SLC6A19: variants seen among roughly 807,000 people sequenced by gnomAD.
SLC6A19 encodes sodium-dependent neutral amino acid transporter B(0)AT1.
A neutral mutation model predicts 68.3 loss-of-function variants in SLC6A19; 67 were observed. The observed-to-expected ratio is 0.98, with a 90% CI of 0.81 to 1.20. SLC6A19 has a LOEUF of 1.20. SLC6A19 is among the 50% of genes most tolerant of loss of function. The probability of loss-of-function intolerance (pLI) is 0.00; values close to 1 mark genes in which losing one functional copy is unlikely to be tolerated. For synonymous variants in SLC6A19, 392 were observed against 374.9 expected (o/e 1.05, Z -0.53); for missense variants, 813 against 851.6 (o/e 0.95, Z 0.56).
At position 1,213,592 on chromosome 5, in the gene SLC6A19, C is replaced by G; in HGVS notation, c.774+19C>G. 2 of 1,606,490 alleles carry G rather than the reference C, an allele frequency of 1.2e-6. No homozygotes were observed. Among genetic ancestry groups the G allele is most frequent in the Non-Finnish European group, 1.7e-6 (2 of 1,175,296 alleles). On this transcript the variant is annotated intron_variant, in intron 5 of 11. Transcript: ENST00000304460. ...GCCCAACGTAAGTCCCCGAGGCTGC[C>G]CTGGGCCCAGACCCCGGGAGAGGCC...
chr5:1,221,389 G>A, intron 11 of SLC6A19, 76 bp downstream of exon 11: 1 of 1,562,708 alleles, frequency 6.4e-7, no homozygotes, highest in Non-Finnish European at 8.7e-7. Flanking sequence ...CCACACACAT[G>A]GCGCATGCAC....
chr5:1,210,309 C>A, intron 2 of SLC6A19, 135 bp from the exon 3 acceptor site: 1 of 1,271,730 alleles, frequency 7.9e-7, no homozygotes, highest in Non-Finnish European at 1.1e-6. Flanking sequence ...TGCACTGGGT[C>A]GGCCCCTCAG....
intron 1 of SLC6A19, among the ~76,000 whole-genome samples, chr5:1,207,860 A>G (rs946166018): frequency 6.6e-6 from 1 of 152,200 alleles, no homozygotes; most frequent in Admixed American, 6.5e-5. Context: ...CATATTTCAA[A>G]GGTGATCTTA....
intron 1 of SLC6A19, among the ~76,000 whole-genome samples, chr5:1,202,781 C>T (rs569239040): frequency 1.3e-5 from 2 of 152,200 alleles, no homozygotes; most frequent in Non-Finnish European, 2.9e-5. Context: ...CTGTCTCTCA[C>T]GCGGGCTTTG....
chr5:1,218,083 C>G (rs1256984403), intron 8 of SLC6A19, among the ~76,000 whole-genome samples: 1 of 149,206 alleles, frequency 6.7e-6, no homozygotes, highest in African/African-American at 2.5e-5. Context: ...TGAAGAGCGG[C>G]GTGCCTTGTA....
At chr5:1,219,822 C>T (rs913572639) in intron 10 of SLC6A19, among the ~76,000 whole-genome samples, 158 bp downstream of exon 10, 1 of 152,220 alleles carries the variant, frequency 6.6e-6, no homozygotes, top group African/African-American at 2.4e-5. Flanking sequence ...CCTGTCCTGG[C>T]GGGAGCAGAG....
In SLC6A19 at chr5:1,201,666, C is replaced by A; in HGVS notation, c.16C>A (p.Leu6Met). 6.2e-7 allele frequency: 1 copy of A among 1,607,224 alleles called. No homozygotes were observed. The highest frequency in any genetic ancestry group is 8.5e-7 in the Non-Finnish European group (1 of 1,179,400). The stretch of plus-strand genomic sequence containing the variant: ...AGCGACCACCATGGTGAGGCTCGTG[C>A]TGCCCAACCCCGGCCTAGACGCCCG... MVRLV[L>M]PNPGLDARIP... Residue 6 changes from leucine (L) to methionine (M), a missense_variant, in exon 1 of 12, where the codon CTG (leucine) becomes ATG (methionine). Physicochemically the swap from Leu to Met is conservative, Grantham distance 15. Transcript: ENST00000304460.
Position 1,221,203 on chromosome 5 carries a change from C to A in SLC6A19, c.1591C>A (p.Gln531Lys). ...MIGHKPNIFW[Q>K]VTWRVVSPLL... ...CGGCCACAAGCCCAACATCTTCTGG[C>A]AAGTCACGTGGCGCGTGGTCAGCCC... is the stretch of plus-strand genomic sequence containing the variant. The change falls in exon 11 of 12, where the codon CAA (glutamine) becomes AAA (lysine). Residue 531 changes from glutamine (Q) to lysine (K), a missense_variant. Transcript: ENST00000304460. 6.2e-7 allele frequency: 1 copy of A among 1,614,142 alleles called. No homozygotes were observed. Among genetic ancestry groups the A allele is most frequent in the Non-Finnish European group, 8.5e-7 (1 of 1,180,016 alleles).
At chr5:1,206,771 G>A (rs962937881) in intron 1 of SLC6A19, among the ~76,000 whole-genome samples, 2 of 152,124 alleles carry the variant, frequency 1.3e-5, no homozygotes, top group African/African-American at 4.8e-5. Context: ...GGACCCCAGT[G>A]TCATGTGAGC....
At chr5:1,210,403 G>T (rs1482639527) in intron 2 of SLC6A19, 41 bp from the exon 3 acceptor site, 2 of 1,609,824 alleles carry the variant, frequency 1.2e-6, no homozygotes, top group African/African-American at 1.3e-5. Context: ...CCAGTGGAGG[G>T]TGTGCCTCGG....
chr5:1,210,601 C>A lies in SLC6A19; in HGVS notation c.481+20C>A. 1 of 1,611,430 alleles carries A rather than the reference C, an allele frequency of 6.2e-7. No individual in the cohort carries two copies. The highest frequency in any genetic ancestry group is 8.5e-7 in the Non-Finnish European group (1 of 1,179,998). ...AGACAGGTGAGTCCTTGCAAGCAGC[C>A]CCATCCGTCTCACCTGTGAGGCTGT... On this transcript the variant is annotated intron_variant, in intron 3 of 11. Transcript: ENST00000304460.
rs1350869536 is a variant in SLC6A19, at chr5:1,212,983, C to T, written c.664-480C>T. On this transcript the variant is annotated intron_variant, in intron 4 of 11. Coordinates refer to ENST00000304460, the MANE Select transcript of SLC6A19 (RefSeq NM_001003841.3). This position sits in a 1 kb window ranked among gnomAD's most constrained non-coding sequence, Gnocchi z 5.1. ...CCCCACCACAAGCACGGCCCCCCTC[C>T]GCACCATCCCAAATACCCAGGCTCC... Among the ~76,000 whole-genome samples, 4 of 146,842 alleles carry T rather than the reference C, an allele frequency of 2.7e-5. No individual in the cohort carries two copies. The highest frequency in any genetic ancestry group is 7.6e-5 in the African/African-American group (3 of 39,490).
Position 1,221,295 on chromosome 5 carries a change from C to T in SLC6A19, c.1683C>T (p.Ser561=). The T allele has an allele frequency of 6.2e-7, 1 of 1,613,860 alleles. No homozygotes were observed. Among genetic ancestry groups the T allele is most frequent in the Non-Finnish European group, 8.5e-7 (1 of 1,180,026 alleles). Residue 561 remains serine (S), a synonymous_variant, in exon 11 of 12, where the codon AGC becomes AGT. Transcript: ENST00000304460. ...AGGTCAGTCAGGAGCTGACCTACAG[C>T]ATCTGGGACCCTGGCTACGTAAGTG... is the stretch of plus-strand genomic sequence containing the variant. ...VVEVSQELTY[S]IWDPGYEEFP... is the part of the protein sequence containing the mutation.
At position 1,216,861 on chromosome 5, in the gene SLC6A19, G is replaced by A. The variant is rs754292936; in HGVS notation, c.1089G>A (p.Met363Ile). The change falls in exon 8 of 12, where the codon ATG becomes ATA. Residue 363 changes from methionine (M) to isoleucine (I), a missense_variant. Physicochemically the swap from Met to Ile is conservative, Grantham distance 10. Transcript: ENST00000304460. Reference sequence around the variant, plus strand: ...TGACCCAGGAGAACTTTGTGGACATGCAGCAGCGGTGCAACGCCTCCGACC... The same window carrying A: ...TGACCCAGGAGAACTTTGTGGACATACAGCAGCGGTGCAACGCCTCCGACC... ...GNVTQENFVD[M>I]QQRCNASDPA... 2 of 1,613,646 alleles carry A rather than the reference G, an allele frequency of 1.2e-6. No homozygotes were observed. Among genetic ancestry groups the A allele is most frequent in the Admixed American group, 1.7e-5 (1 of 60,016 alleles).
chr5:1,222,369 C>T lies in SLC6A19; in HGVS notation c.*465C>T. ...ATACATGCATGCACATGTGCTCGTA[C>T]AATGGGTGTCCACATGCACGTGTAT... On this transcript the variant is annotated 3_prime_UTR_variant, in exon 12 of 12. Coordinates refer to ENST00000304460, the MANE Select transcript of SLC6A19 (RefSeq NM_001003841.3). The T allele has an allele frequency of 2.2e-6, 1 of 464,150 alleles. No homozygotes were observed. Among genetic ancestry groups the T allele is most frequent in the Non-Finnish European group, 3.8e-6 (1 of 265,360 alleles). 28.8% of individuals were successfully genotyped at this position (464,150 alleles called of 1,614,324 possible).
rs1310565826 is a variant in SLC6A19, at chr5:1,214,103, G to A, written c.887+38G>A. 8 of 1,613,286 alleles carry A rather than the reference G, an allele frequency of 5.0e-6. No homozygotes were observed. Among genetic ancestry groups the A allele is most frequent in the Non-Finnish European group, 6.8e-6 (8 of 1,179,860 alleles). ...GTGGTGGGCCTCAGTTTCCCTCTCA[G>A]TCCTGGGGGGATCTTGCTGGGAGGA... is the stretch of plus-strand genomic sequence containing the variant. On this transcript the variant is annotated intron_variant, in intron 6 of 11. Transcript: ENST00000304460. The surrounding 1 kb of genome is among the most constrained non-coding windows in gnomAD (Gnocchi z 7.4).
rs145538892 is a variant in SLC6A19 at position 1,214,730 on chromosome 5, A to G, written c.887+665A>G. Among the ~76,000 whole-genome samples the G allele has an allele frequency of 4.0e-4, 61 of 150,958 alleles. No individual in the cohort carries two copies. Among genetic ancestry groups the G allele is most frequent in the African/African-American group, 1.5e-3 (60 of 40,916 alleles). ...GAGCAGAAGGGGCTGGGGGTGAGGG[A>G]GGACTCCTAGGGGTCAGGGTGGCCC... On this transcript the variant is annotated intron_variant, in intron 6 of 11. Transcript: ENST00000304460. This position sits in a 1 kb window ranked among gnomAD's most constrained non-coding sequence, Gnocchi z 7.4.
Position 1,212,183 on chromosome 5 carries a change from G to A in SLC6A19, c.482-120G>A. The A allele has an allele frequency of 8.4e-7, 1 of 1,191,018 alleles. No individual in the cohort carries two copies. The highest frequency in any genetic ancestry group is 1.2e-6 in the Non-Finnish European group (1 of 818,328). 73.8% of individuals were successfully genotyped at this position (1,191,018 alleles called of 1,614,324 possible). Reference sequence around the variant, plus strand: ...GTGCCTGTGTTCATGTGCACGTGTGGGCGTGTCACTGGTGTCAAGGCCTCT... The same window carrying A: ...GTGCCTGTGTTCATGTGCACGTGTGAGCGTGTCACTGGTGTCAAGGCCTCT... On this transcript the variant is annotated intron_variant, in intron 3 of 11. Coordinates refer to ENST00000304460, the MANE Select transcript of SLC6A19 (RefSeq NM_001003841.3). The surrounding 1 kb of genome is among the most constrained non-coding windows in gnomAD (Gnocchi z 5.1).
At chr5:1,221,009 A>G (rs1357287110) in intron 10 of SLC6A19, 142 bp from the exon 11 acceptor site, 1 of 1,010,254 alleles carries the variant, frequency 9.9e-7, no homozygotes, top group Non-Finnish European at 1.5e-6. Context: ...ACCCATGACC[A>G]GGAGGGAGGG....
Sources: allele counts gnomAD v4.1 joint callset (sites outside exome capture counted in the v4.1 genomes callset), GRCh38; gene constraint gnomAD v4.1.1; non-coding constraint Gnocchi (gnomAD v3.1); transcripts MANE v1.5; gene names NCBI Gene and HGNC (gene_info 2026-07-23, HGNC 2026-07-21).